Variants in MGAT5 observed in about 807,000 individuals in gnomAD.
The protein encoded by MGAT5 is alpha-1,6-mannosylglycoprotein 6-beta-N-acetylglucosaminyltransferase.
In MGAT5, 30 loss-of-function variants were observed where a neutral mutation model predicts 94.3. The observed-to-expected ratio is 0.32, with a 90% CI of 0.24 to 0.43. The LOEUF (loss-of-function observed/expected upper bound fraction) is 0.43. Among genes scored for constraint, MGAT5 ranks in the 20% least tolerant of loss-of-function variants. MGAT5 has a pLI of 1.00. For synonymous variants in MGAT5, 310 were observed against 322.9 expected, an observed-to-expected ratio of 0.96 and a Z score of 0.43; for missense variants, 691 against 905.5, an observed-to-expected ratio of 0.76 and a Z score of 3.04.
chr2:134,208,965 G>A (rs1469151525), intron 1 of MGAT5, among the ~76,000 whole-genome samples: 2 of 152,146 alleles, frequency 1.3e-5, no homozygotes, highest in African/African-American at 4.8e-5. Flanking sequence ...AGTGTTCTGG[G>A]AGCAGGGTTT....
intron 1 of MGAT5, among the ~76,000 whole-genome samples, chr2:134,248,095 G>T (rs192550956): frequency 6.6e-6 from 1 of 152,108 alleles, no homozygotes; most frequent in Non-Finnish European, 1.5e-5. Context: ...GTTTAACCCT[G>T]CCTCTTCAAG....
intron 11 of MGAT5, among the ~76,000 whole-genome samples, chr2:134,412,054 T>A (rs2106328071): frequency 6.6e-6 from 1 of 152,262 alleles, no homozygotes; most frequent in South Asian, 2.1e-4. Context: ...GCCGAGGCAT[T>A]TCTGTGAGCA....
chr2:134,336,179 G>C (rs1394719682), intron 4 of MGAT5, 38 bp from the exon 5 acceptor site: 1 of 1,532,876 alleles, frequency 6.5e-7, no homozygotes, highest in Non-Finnish European at 9.0e-7. Flanking sequence ...ATTCATTATA[G>C]ATGAAGCTGC....
intron 2 of MGAT5, among the ~76,000 whole-genome samples, chr2:134,292,345 C>T (rs920600748): frequency 1.3e-5 from 2 of 152,128 alleles, no homozygotes; most frequent in Admixed American, 6.5e-5. Context: ...ATTTAATCCT[C>T]GCAAGTCTCT....
chr2:134,167,543 G>A (rs1306816065), intron 1 of MGAT5, among the ~76,000 whole-genome samples: 8 of 152,092 alleles, frequency 5.3e-5, no homozygotes, highest in Non-Finnish European at 1.2e-4. Context: ...TGATGTTGCC[G>A]GTTCGGGGTC....
chr2:134,373,701 AC>A (rs1680968165), intron 10 of MGAT5, among the ~76,000 whole-genome samples: 1 of 152,162 alleles, frequency 6.6e-6, no homozygotes, highest in Admixed American at 6.5e-5. Context: ...ATACTGAGAT[AC>A]CGGGGTGCTC....
At chr2:134,415,421 C>T (rs951151041) in intron 12 of MGAT5, among the ~76,000 whole-genome samples, 1 of 152,108 alleles carries the variant, frequency 6.6e-6, no homozygotes, top group Non-Finnish European at 1.5e-5. Context: ...TGTCTTCTTT[C>T]GAGAAATGTC....
At chr2:134,177,789 A>G (rs1353613271) in intron 1 of MGAT5, among the ~76,000 whole-genome samples, 1 of 152,222 alleles carries the variant, frequency 6.6e-6, no homozygotes, top group Non-Finnish European at 1.5e-5. Flanking sequence ...GGAATGGCCG[A>G]TGCTGACAAT....
chr2:134,252,903 G>C (rs751966983), upstream of MGAT5, among the ~76,000 whole-genome samples: 1 of 152,086 alleles, frequency 6.6e-6, no homozygotes, highest in African/African-American at 2.4e-5. Context: ...CCACATAGCT[G>C]GCTGACCTTT....
At chr2:134,124,343 C>A (rs189098236) in intron 1 of MGAT5, among the ~76,000 whole-genome samples, 1 of 152,188 alleles carries the variant, frequency 6.6e-6, no homozygotes, top group Non-Finnish European at 1.5e-5. Context: ...GTGCATCCTT[C>A]CCTGACTTTG....
At chr2:134,359,321 T>G (rs1679940980) in intron 9 of MGAT5, among the ~76,000 whole-genome samples, 1 of 152,242 alleles carries the variant, frequency 6.6e-6, no homozygotes, top group African/African-American at 2.4e-5. Context: ...TTAGAGTGAC[T>G]TAAGGAGCTG....
intron 10 of MGAT5, among the ~76,000 whole-genome samples, chr2:134,387,332 ATTTT>A (rs35936767): frequency 4.1e-5 from 1 of 24,274 alleles, no homozygotes; most frequent in Non-Finnish European, 6.4e-5. Context: ...ATATATATAT[ATTTT>A]TTTTTTTTTT....
intron 2 of MGAT5, among the ~76,000 whole-genome samples, chr2:134,310,775 T>C (rs1686603598): frequency 6.6e-6 from 1 of 152,226 alleles, no homozygotes; most frequent in African/African-American, 2.4e-5. Flanking sequence ...GGTGAGGTCA[T>C]TTTCAATGGG....
At chr2:134,348,950 C>T (rs1451705372) in intron 8 of MGAT5, among the ~76,000 whole-genome samples, 3 of 152,172 alleles carry the variant, frequency 2.0e-5, no homozygotes, top group African/African-American at 7.2e-5. Context: ...GTATATGCAT[C>T]GCTGCAGCTA....
At chr2:134,215,851 A>G (rs1022707538) in intron 1 of MGAT5, among the ~76,000 whole-genome samples, 1 of 152,174 alleles carries the variant, frequency 6.6e-6, no homozygotes, top group African/African-American at 2.4e-5. Context: ...TCCTTCACTC[A>G]CATCCTCTCC....
chr2:134,381,842 A>G (rs987747949), intron 10 of MGAT5, among the ~76,000 whole-genome samples: 1 of 152,214 alleles, frequency 6.6e-6, no homozygotes, highest in Admixed American at 6.5e-5. Flanking sequence ...GTAATTCTTT[A>G]GAAGTTGATT....
chr2:134,331,044 A>T (rs1218469011), intron 4 of MGAT5, among the ~76,000 whole-genome samples: 1 of 152,100 alleles, frequency 6.6e-6, no homozygotes, highest in Non-Finnish European at 1.5e-5. Flanking sequence ...TGTCTTATGT[A>T]TCTGCCAGCA....
At chr2:134,154,195 G>A (rs182381754) in intron 1 of MGAT5, among the ~76,000 whole-genome samples, 1 of 152,304 alleles carries the variant, frequency 6.6e-6, no homozygotes, top group Admixed American at 6.5e-5. Context: ...AAACGAATAT[G>A]GGTCAGGGAA....
Position 134,254,251 on chromosome 2 carries a change from C to T in MGAT5, c.-153C>T. The T allele has an allele frequency of 2.3e-6, 2 of 880,810 alleles. No individual in the cohort carries two copies. The highest frequency in any genetic ancestry group is 3.4e-6 in the Non-Finnish European group (2 of 584,172). The allele number at this position is 880,810 out of a possible 1,614,324, so 54.6% of individuals were successfully genotyped here. A position where few individuals can be genotyped will look rare whatever the true frequency, so the allele number is the denominator to read the frequency against. ...CATGACCACTTGGCTAATTCTTCTC[C>T]TCCTTCACAGCAGAATGGAAGTGAG... On this transcript the variant is annotated 5_prime_UTR_variant, in exon 1 of 16. Coordinates refer to ENST00000281923, the MANE Select transcript of MGAT5 (RefSeq NM_002410.5).
Sources: gnomAD v4.1 joint callset for allele counts (sites outside exome capture counted in the v4.1 genomes callset) on GRCh38, gnomAD v4.1.1 for gene constraint, MANE v1.5 for transcripts, NCBI Gene and HGNC (gene_info 2026-07-23, HGNC 2026-07-21) for gene names.